The following GLT1D1 variants were observed in gnomAD, a reference collection of about 807,000 sequenced individuals.
GLT1D1 encodes glycosyltransferase 1 domain containing 1.
Under a neutral mutation model 28.7 loss-of-function variants are expected in GLT1D1, and 21 were observed. The ratio of observed to expected loss-of-function variants is 0.73; its 90% CI spans 0.52 to 1.05. The LOEUF is 1.05. GLT1D1 is among the 50% of genes least tolerant of loss of function. The pLI, the probability that GLT1D1 is intolerant of heterozygous loss-of-function variation, is 0.00. For synonymous variants in GLT1D1, 147 were observed against 124.8 expected (o/e 1.18, Z -1.19); for missense variants, 343 against 330.6 (o/e 1.04, Z -0.29).
chr12:128,919,912 G>A (rs1391860723), intron 4 of GLT1D1, among the ~76,000 whole-genome samples: 1 of 149,842 alleles, frequency 6.7e-6, no homozygotes, highest in Non-Finnish European at 1.5e-5. Context: ...TCTGATTTCT[G>A]TTTTATTGTA....
intron 7 of GLT1D1, among the ~76,000 whole-genome samples, chr12:128,970,814 CA>C (rs1474841669): frequency 1.3e-5 from 2 of 152,236 alleles, no homozygotes; most frequent in Admixed American, 6.5e-5. Context: ...GTGTACACTG[CA>C]CTCTTTGCCA....
intron 3 of GLT1D1, among the ~76,000 whole-genome samples, chr12:128,896,656 T>C (rs1869670700): frequency 6.7e-6 from 1 of 149,054 alleles, no homozygotes; most frequent in Non-Finnish European, 1.5e-5. Flanking sequence ...CTTGGCTCAC[T>C]GCAACCTCCG....
At chr12:128,927,189 C>G in intron 4 of GLT1D1, 35 bp downstream of exon 8, 1 of 1,424,048 alleles carries the variant, frequency 7.0e-7, no homozygotes, top group Non-Finnish European at 9.6e-7. Flanking sequence ...TATCTCATCT[C>G]TGTTTTCCTC....
At chr12:128,931,039 C>T (rs1593148678) in intron 4 of GLT1D1, among the ~76,000 whole-genome samples, 1 of 151,274 alleles carries the variant, frequency 6.6e-6, no homozygotes, top group African/African-American at 2.4e-5. Context: ...TCTTGCTCTG[C>T]CGCCCAGGCT....
intron 1 of GLT1D1, 150 bp from the exon 2 acceptor site, chr12:128,875,764 C>T: frequency 1.3e-6 from 1 of 747,798 alleles, no homozygotes; most frequent in Non-Finnish European, 2.2e-6. Context: ...TGCACCATTG[C>T]TCCCCAGCCT....
At chr12:128,881,562 AT>A (rs1372652081) in intron 2 of GLT1D1, among the ~76,000 whole-genome samples, 361 of 21,770 alleles carry the variant, frequency 0.017, 2 homozygotes, top group African/African-American at 0.039. Context: ...AAAAAAAAAA[AT>A]ATATATATAT....
intron 5 of GLT1D1, among the ~76,000 whole-genome samples, chr12:128,946,734 C>T (rs950046499): frequency 4.0e-5 from 6 of 148,920 alleles, no homozygotes; most frequent in East Asian, 2.0e-4. Context: ...CTGCAATCTC[C>T]GCCTCCCGGG....
chr12:128,970,234 G>A (rs1200539096), intron 7 of GLT1D1, among the ~76,000 whole-genome samples: 9 of 152,154 alleles, frequency 5.9e-5, no homozygotes, highest in Admixed American at 5.9e-4. Flanking sequence ...CCTGCTTGGA[G>A]CCTCAGCCCC....
At chr12:128,963,702 C>CTCCTA (rs1593197093) in intron 7 of GLT1D1, among the ~76,000 whole-genome samples, 1 of 152,282 alleles carries the variant, frequency 6.6e-6, no homozygotes, top group East Asian at 1.9e-4. Context: ...CGTGTGCTGG[C>CTCCTA]TCCTATCACG....
At chr12:128,918,627 A>G (rs1872343388) in intron 4 of GLT1D1, among the ~76,000 whole-genome samples, 1 of 152,220 alleles carries the variant, frequency 6.6e-6, no homozygotes, top group Non-Finnish European at 1.5e-5. Flanking sequence ...CCACACTAGC[A>G]TGGCTGTTCT....
intron 4 of GLT1D1, among the ~76,000 whole-genome samples, chr12:128,934,528 A>G (rs897724096): frequency 6.6e-6 from 1 of 152,146 alleles, no homozygotes; most frequent in Non-Finnish European, 1.5e-5. Flanking sequence ...ATGGCAGTGC[A>G]TCTATGCAGT....
At chr12:128,859,826 G>T (rs766583489) in intron 1 of GLT1D1, among the ~76,000 whole-genome samples, 42 of 152,164 alleles carry the variant, frequency 2.8e-4, no homozygotes, top group Admixed American at 2.6e-4. Context: ...TTTCCTTCAT[G>T]ATAGAGGGAA....
At chr12:128,948,695 A>G (rs1309377368) in intron 6 of GLT1D1, among the ~76,000 whole-genome samples, 1 of 148,346 alleles carries the variant, frequency 6.7e-6, no homozygotes, top group Admixed American at 6.9e-5. Context: ...ATCCCCTTGG[A>G]TACCAGGTGA....
chr12:128,866,503 C>A (rs1360987852), intron 1 of GLT1D1, among the ~76,000 whole-genome samples: 1 of 151,760 alleles, frequency 6.6e-6, no homozygotes. Context: ...ACCAAGCCCC[C>A]CAACAGCCTC....
chr12:128,886,232 A>C (rs1010814084), intron 2 of GLT1D1, among the ~76,000 whole-genome samples: 12 of 152,198 alleles, frequency 7.9e-5, no homozygotes, highest in Non-Finnish European at 2.9e-5. Flanking sequence ...TTGCCATGCC[A>C]GTTGGGTATG....
intron 7 of GLT1D1, among the ~76,000 whole-genome samples, chr12:128,962,722 G>T (rs945127676): frequency 6.6e-6 from 1 of 151,936 alleles, no homozygotes; most frequent in Non-Finnish European, 1.5e-5. Flanking sequence ...TTTTTCTTGA[G>T]ATTGAGTCTC....
At chr12:128,981,101 T>C (rs932801369) in intron 7 of GLT1D1, among the ~76,000 whole-genome samples, 15 of 152,236 alleles carry the variant, frequency 9.9e-5, no homozygotes, top group African/African-American at 3.4e-4. Context: ...CTTTTGCTAA[T>C]GGTTTTCCTT....
intron 3 of GLT1D1, among the ~76,000 whole-genome samples, chr12:128,889,797 C>T (rs1868829978): frequency 6.6e-6 from 1 of 152,218 alleles, no homozygotes; most frequent in Non-Finnish European, 1.5e-5. Context: ...CTTTTCCTGA[C>T]AGAGTCTCAT....
intron 7 of GLT1D1, among the ~76,000 whole-genome samples, chr12:128,964,444 C>T (rs1418554377): frequency 6.6e-6 from 1 of 152,194 alleles, no homozygotes; most frequent in East Asian, 1.9e-4. Context: ...AAAGACCTCA[C>T]CTCCTGCCGT....
Sources: allele counts gnomAD v4.1 joint callset (sites outside exome capture counted in the v4.1 genomes callset), GRCh38; gene constraint gnomAD v4.1.1; transcripts MANE v1.5; gene names NCBI Gene and HGNC (gene_info 2026-07-23, HGNC 2026-07-21).